The following TMEM132C variants were observed in gnomAD, a reference collection of about 807,000 sequenced individuals.
TMEM132C encodes the protein transmembrane protein 132C, also known as protein phosphatase 1, regulatory subunit 152.
A neutral mutation model predicts 61.4 loss-of-function variants in TMEM132C; 29 were observed. That is an observed-to-expected ratio of 0.47 (90% CI 0.35 to 0.64). The LOEUF (loss-of-function observed/expected upper bound fraction) is 0.64, where lower values mean the gene tolerates loss of function less well. TMEM132C is among the 30% of genes least tolerant of loss of function. The pLI is 0.00. For synonymous variants in TMEM132C, 656 were observed against 633.1 expected (o/e 1.04, Z -0.54); for missense variants, 1,408 against 1,476.9 (o/e 0.95, Z 0.76).
chr12:128,352,594 A>C (rs1346296407), intron 1 of TMEM132C, among the ~76,000 whole-genome samples: 1 of 152,254 alleles, frequency 6.6e-6, no homozygotes, highest in Non-Finnish European at 1.5e-5. Context: ...AGTCAGGTTG[A>C]CACATAAAAT....
intron 1 of TMEM132C, among the ~76,000 whole-genome samples, chr12:128,378,173 G>C (rs1468793731): frequency 6.6e-6 from 1 of 151,488 alleles, no homozygotes; most frequent in Non-Finnish European, 1.5e-5. Flanking sequence ...GGAGTGCAGT[G>C]GCGCAATCTC....
intron 1 of TMEM132C, among the ~76,000 whole-genome samples, chr12:128,272,633 T>C (rs1176401744): frequency 6.6e-6 from 1 of 152,210 alleles, no homozygotes; most frequent in Non-Finnish European, 1.5e-5. Flanking sequence ...CCATCAGCCA[T>C]GTCTAATAGT....
chr12:128,300,336 A>G (rs913875262), intron 1 of TMEM132C, among the ~76,000 whole-genome samples: 3 of 152,202 alleles, frequency 2.0e-5, no homozygotes, highest in African/African-American at 7.2e-5. Flanking sequence ...TTCCAGCCTC[A>G]TGAACTTATC....
chr12:128,470,942 A>G (rs1419499259), intron 2 of TMEM132C, among the ~76,000 whole-genome samples: 1 of 152,134 alleles, frequency 6.6e-6, no homozygotes, highest in Non-Finnish European at 1.5e-5. Context: ...GCCCTGAACC[A>G]TGCATGTTTT....
intron 2 of TMEM132C, among the ~76,000 whole-genome samples, chr12:128,496,707 C>T (rs1378003234): frequency 6.6e-6 from 1 of 152,192 alleles, no homozygotes; most frequent in Non-Finnish European, 1.5e-5. Context: ...GACTTCACTA[C>T]ACTGGTTATT....
At chr12:128,620,100 C>T (rs1953947666) in intron 4 of TMEM132C, among the ~76,000 whole-genome samples, 1 of 151,832 alleles carries the variant, frequency 6.6e-6, no homozygotes, top group Admixed American at 6.6e-5. Flanking sequence ...GGTGCGGTAG[C>T]ACACACCTGT....
chr12:128,318,770 G>A (rs893804271), intron 1 of TMEM132C, among the ~76,000 whole-genome samples: 43 of 152,202 alleles, frequency 2.8e-4, no homozygotes, highest in Non-Finnish European at 1.5e-5. Context: ...ACGGAGAGAT[G>A]TGTTGCATTC....
At chr12:128,587,220 G>A (rs1004332856) in intron 3 of TMEM132C, among the ~76,000 whole-genome samples, 1 of 152,224 alleles carries the variant, frequency 6.6e-6, no homozygotes, top group Admixed American at 6.5e-5. Context: ...ATAATGAAGT[G>A]CCATGGCCTG....
At position 128,598,536 on chromosome 12, in the gene TMEM132C, C is replaced by T. The variant is rs151147632; in HGVS notation, c.1122-17616C>T. ...AGGATCCCACCCCAGCCTTGCTCCC[C>T]GATGTGAGAATGTGTCTGGGCCTCT... On this transcript the variant is annotated intron_variant, in intron 3 of 8. Coordinates refer to ENST00000435159, the MANE Select transcript of TMEM132C (RefSeq NM_001136103.3). Among the ~76,000 whole-genome samples, 1,086 of 152,238 alleles carry T rather than the reference C, an allele frequency of 7.1e-3. 7 individuals are homozygous for T. The highest frequency in any genetic ancestry group is 0.011 in the Non-Finnish European group (718 of 68,020).
chr12:128,594,351 C>T (rs1875869116), intron 3 of TMEM132C, among the ~76,000 whole-genome samples: 1 of 151,784 alleles, frequency 6.6e-6, no homozygotes, highest in Admixed American at 6.6e-5. Flanking sequence ...TAACTCTCCC[C>T]CCATCCCCTG....
intron 2 of TMEM132C, among the ~76,000 whole-genome samples, chr12:128,434,240 C>T (rs553515541): frequency 6.6e-6 from 1 of 152,330 alleles, no homozygotes; most frequent in South Asian, 2.1e-4. Context: ...CCTGTTGAAA[C>T]AAACATTGCT....
intron 2 of TMEM132C, among the ~76,000 whole-genome samples, chr12:128,480,939 G>T (rs138117551): frequency 2.6e-5 from 4 of 152,162 alleles, no homozygotes; most frequent in Non-Finnish European, 4.4e-5. Context: ...GGGTGGGGAC[G>T]GAGCCTATGT....
At chr12:128,499,075 T>A (rs1008690504) in intron 2 of TMEM132C, among the ~76,000 whole-genome samples, 2 of 152,118 alleles carry the variant, frequency 1.3e-5, no homozygotes, top group African/African-American at 4.8e-5. Context: ...ATAGCCAAAA[T>A]CATCTTCAAA....
intron 2 of TMEM132C, among the ~76,000 whole-genome samples, chr12:128,536,949 G>A (rs1292361617): frequency 6.6e-6 from 1 of 152,196 alleles, no homozygotes; most frequent in Non-Finnish European, 1.5e-5. Flanking sequence ...CAAGAAACAA[G>A]CCATTCAGAG....
intron 1 of TMEM132C, among the ~76,000 whole-genome samples, chr12:128,301,929 A>G (rs1871611664): frequency 6.6e-6 from 1 of 152,240 alleles, no homozygotes; most frequent in Non-Finnish European, 1.5e-5. Context: ...ATGAGAGCCA[A>G]GTGAAAGAGG....
chr12:128,676,945 T>G (rs534564433), intron 5 of TMEM132C, among the ~76,000 whole-genome samples: 2 of 152,330 alleles, frequency 1.3e-5, no homozygotes, highest in East Asian at 3.9e-4. Flanking sequence ...GAGAGAACCC[T>G]GGATGTCGGC....
At chr12:128,585,414 G>GC (rs1330346128) in intron 3 of TMEM132C, among the ~76,000 whole-genome samples, 2 of 152,048 alleles carry the variant, frequency 1.3e-5, no homozygotes, top group African/African-American at 4.8e-5. Flanking sequence ...ATGCCCAAAG[G>GC]CTAAGACCCA....
intron 2 of TMEM132C, among the ~76,000 whole-genome samples, chr12:128,536,658 C>A (rs546727495): frequency 6.6e-6 from 1 of 152,210 alleles, no homozygotes; most frequent in Admixed American, 6.5e-5. Flanking sequence ...GCATGGGGAC[C>A]CCCTGGTAAT....
chr12:128,674,855 A>T (rs901400199), intron 5 of TMEM132C, among the ~76,000 whole-genome samples: 2 of 151,444 alleles, frequency 1.3e-5, no homozygotes, highest in Non-Finnish European at 2.9e-5. Context: ...CAAGGCCCCA[A>T]AGTCCATTGT....
Sources: gnomAD v4.1 joint callset for allele counts (sites outside exome capture counted in the v4.1 genomes callset) on GRCh38, gnomAD v4.1.1 for gene constraint, MANE v1.5 for transcripts, NCBI Gene and HGNC (gene_info 2026-07-23, HGNC 2026-07-21) for gene names.